The following KCNH5 variants were observed in gnomAD, a reference collection of about 807,000 sequenced individuals.
KCNH5 encodes voltage-gated delayed rectifier potassium channel KCNH5.
In KCNH5, 46 loss-of-function variants were observed where a neutral mutation model predicts 96.1. The observed-to-expected ratio is 0.48, with a 90% CI of 0.38 to 0.61. KCNH5 has a LOEUF of 0.61. KCNH5 is among the 20% of genes least tolerant of loss of function. The pLI is 0.00. For synonymous variants in KCNH5, 439 were observed against 449.8 expected (o/e 0.98, Z 0.30); for missense variants, 907 against 1,225.8 (o/e 0.74, Z 3.88).
intron 10 of KCNH5, among the ~76,000 whole-genome samples, chr14:62,778,411 A>G (rs1216262791): frequency 6.6e-6 from 1 of 152,226 alleles, no homozygotes; most frequent in Non-Finnish European, 1.5e-5. Context: ...CAACCACACT[A>G]CAAGAGTCAA....
At position 62,981,258 on chromosome 14, in the gene KCNH5, G is replaced by A; in HGVS notation, c.556C>T (p.Gln186Ter). Residue 186 changes from glutamine (Q) to a stop codon, truncating the protein, a stop_gained, in exon 6 of 11, where the codon CAG becomes TAG. Transcript: ENST00000322893. LOFTEE classifies it high-confidence loss of function. Reference protein sequence around the residue: ...HKHSRLAEVLQLGSDILPQYK... With the variant: ...HKHSRLAEVL The stretch of plus-strand genomic sequence containing the variant: ...TGAGGAAGGATATCTGATCCCAGCT[G>A]AAGAACCTAAAAGAGAGAAAATGTA... The A allele has an allele frequency of 6.2e-7, 1 of 1,613,870 alleles. No individual in the cohort carries two copies. The highest frequency in any genetic ancestry group is 8.5e-7 in the Non-Finnish European group (1 of 1,179,898).
chr14:62,909,032 A>ATTTT lies in KCNH5; in HGVS notation c.1369+41097_1369+41100dup, dbSNP rs58920666. 4.1e-3 allele frequency among the ~76,000 whole-genome samples: 236 copies of ATTTT among 57,916 alleles called. 19 individuals are homozygous for ATTTT. The highest frequency in any genetic ancestry group is 8.0e-3 in the African/African-American group (109 of 13,580). 38.0% of individuals were successfully genotyped at this position (57,916 alleles called of 152,430 possible). ...AAACATAGAAAACACTATGCTACGTATTTTTTTTTTTTTTTTTTTTTTTTT... is the reference window on the plus strand; with the variant it reads ...AAACATAGAAAACACTATGCTACGTATTTTTTTTTTTTTTTTTTTTTTTTTTTTT... On this transcript the variant is annotated intron_variant, in intron 7 of 10. Coordinates refer to ENST00000322893, the MANE Select transcript of KCNH5 (RefSeq NM_139318.5).
chr14:62,951,865 G>A (rs1291136707), intron 6 of KCNH5, among the ~76,000 whole-genome samples: 1 of 151,628 alleles, frequency 6.6e-6, no homozygotes, highest in African/African-American at 2.4e-5. Flanking sequence ...TGGAGGCTGA[G>A]GCAGGGGGAA....
chr14:62,746,190 A>G (rs1885371911), intron 10 of KCNH5, among the ~76,000 whole-genome samples: 1 of 152,196 alleles, frequency 6.6e-6, no homozygotes, highest in African/African-American at 2.4e-5. Flanking sequence ...AGCCTCTTTC[A>G]CCTTTTCCTA....
chr14:62,897,037 A>C (rs1888827764), intron 7 of KCNH5, among the ~76,000 whole-genome samples: 1 of 152,222 alleles, frequency 6.6e-6, no homozygotes, highest in Non-Finnish European at 1.5e-5. Context: ...GCTCTTCAGC[A>C]ACTGAGAAAT....
chr14:62,850,494 A>C (rs1298927279), intron 7 of KCNH5, among the ~76,000 whole-genome samples: 1 of 152,128 alleles, frequency 6.6e-6, no homozygotes, highest in South Asian at 2.1e-4. Context: ...TAATTATTCC[A>C]GTGATTTTTT....
At chr14:62,874,531 T>C (rs1888328856) in intron 7 of KCNH5, among the ~76,000 whole-genome samples, 1 of 151,988 alleles carries the variant, frequency 6.6e-6, no homozygotes, top group African/African-American at 2.4e-5. Flanking sequence ...GCAAGGCTGG[T>C]TCAATATACG....
chr14:62,837,340 A>G (rs561234740), intron 8 of KCNH5, among the ~76,000 whole-genome samples: 8 of 152,332 alleles, frequency 5.3e-5, no homozygotes, highest in African/African-American at 1.9e-4. Context: ...CAGGGGCTTA[A>G]TGGACATTTA....
In KCNH5 at chr14:62,776,286, C is replaced by T. The variant is rs1044975190; in HGVS notation, c.2019+3442G>A. 5.3e-5 allele frequency among the ~76,000 whole-genome samples: 8 copies of T among 151,834 alleles called. No individual in the cohort carries two copies. In the South Asian group the frequency reaches 1.5e-3, roughly 28 times the overall value. ...CATCTCAAAAAAAAAAAAGTTGGGG[C>T]CCTCATGAGTGACTTGGTGCCCTTA... is the stretch of plus-strand genomic sequence containing the variant. On this transcript the variant is annotated intron_variant, in intron 10 of 10. Transcript: ENST00000322893.
At chr14:62,947,913 G>A (rs950608400) in intron 7 of KCNH5, among the ~76,000 whole-genome samples, 31 of 151,846 alleles carry the variant, frequency 2.0e-4, no homozygotes, top group Admixed American at 4.6e-4. Context: ...TGCCATGCTG[G>A]TGTGTTGCAC....
At chr14:62,957,611 T>C (rs1405475233) in intron 6 of KCNH5, among the ~76,000 whole-genome samples, 1 of 152,214 alleles carries the variant, frequency 6.6e-6, no homozygotes, top group Non-Finnish European at 1.5e-5. Flanking sequence ...AGGACTTGCT[T>C]TGGCCAACAG....
intron 10 of KCNH5, among the ~76,000 whole-genome samples, chr14:62,734,965 G>C (rs765567148): frequency 5.3e-5 from 8 of 152,094 alleles, no homozygotes; most frequent in Non-Finnish European, 1.2e-4. Context: ...TTATAGGACA[G>C]TGCCAGTAAA....
intron 1 of KCNH5, among the ~76,000 whole-genome samples, chr14:63,044,139 ATAAC>A (rs1891877903): frequency 6.6e-6 from 1 of 152,228 alleles, no homozygotes. Context: ...AGATGTCAAA[ATAAC>A]AGCCTCTGAA....
chr14:62,839,930 T>C (rs905111059), intron 8 of KCNH5, among the ~76,000 whole-genome samples: 1 of 152,194 alleles, frequency 6.6e-6, no homozygotes, highest in African/African-American at 2.4e-5. Context: ...ACAACTTAAA[T>C]GCAGTCTCTC....
At chr14:62,890,420 G>A (rs1346983578) in intron 7 of KCNH5, among the ~76,000 whole-genome samples, 1 of 151,828 alleles carries the variant, frequency 6.6e-6, no homozygotes, top group Non-Finnish European at 1.5e-5. Flanking sequence ...AAAGGGCCGG[G>A]CGCGGTGGCT....
intron 10 of KCNH5, among the ~76,000 whole-genome samples, chr14:62,710,684 G>C (rs1482239810): frequency 6.6e-6 from 1 of 151,906 alleles, no homozygotes; most frequent in Non-Finnish European, 1.5e-5. Context: ...GTGTTGGCTC[G>C]ATGTGGTAAC....
At chr14:62,995,902 GA>G (rs112859633) in intron 4 of KCNH5, among the ~76,000 whole-genome samples, 45 of 147,834 alleles carry the variant, frequency 3.0e-4, no homozygotes, top group East Asian at 5.9e-4. Context: ...TTTTGGTTGG[GA>G]AAAAAAAAAT....
chr14:62,908,287 A>T (rs1443717561), intron 7 of KCNH5, among the ~76,000 whole-genome samples: 1 of 152,228 alleles, frequency 6.6e-6, no homozygotes, highest in Non-Finnish European at 1.5e-5. Context: ...CAATGAAGTC[A>T]ACGGGTTTGT....
chr14:62,912,037 C>CAAAAAAAA (rs1163755853), intron 7 of KCNH5, among the ~76,000 whole-genome samples: 3 of 79,660 alleles, frequency 3.8e-5, no homozygotes, highest in Non-Finnish European at 7.3e-5. Flanking sequence ...GACTCCTAAT[C>CAAAAAAAA]AAAAAAAAAA....
Sources: allele counts gnomAD v4.1 joint callset (sites outside exome capture counted in the v4.1 genomes callset), GRCh38; gene constraint gnomAD v4.1.1; transcripts MANE v1.5; gene names NCBI Gene and HGNC (gene_info 2026-07-23, HGNC 2026-07-21).